The following STK32C variants were observed in gnomAD, a reference collection of about 807,000 sequenced individuals.
STK32C encodes the protein serine/threonine-protein kinase 32C.
A neutral mutation model predicts 56.5 loss-of-function variants in STK32C; 31 were observed. The observed-to-expected ratio is 0.55, with a 90% confidence interval of 0.41 to 0.74. The LOEUF (loss-of-function observed/expected upper bound fraction) is 0.74, where lower values mean the gene tolerates loss of function less well. Among genes scored for constraint, STK32C ranks in the 30% least tolerant of loss-of-function variants. STK32C has a pLI of 0.00. For synonymous variants in STK32C, 309 were observed against 289.4 expected (o/e 1.07, Z -0.69); for missense variants, 544 against 676.9 (o/e 0.80, Z 2.18).
chr10:132,239,621 G>A (rs573426727), intron 2 of STK32C, among the ~76,000 whole-genome samples: 167 of 152,322 alleles, frequency 1.1e-3, no homozygotes, highest in African/African-American at 3.7e-3. Context: ...GGAAAGTGGG[G>A]GCCATCTGGG....
At chr10:132,331,858 T>C (rs2066771023), upstream of STK32C, 6 of 1,404,970 alleles carry the variant, frequency 4.3e-6, no homozygotes, top group South Asian at 2.6e-5. Flanking sequence ...ATGCTACCGT[T>C]GGCCGCGTGC....
chr10:132,248,923 A>G (rs1401382136), intron 1 of STK32C: 2 of 456,176 alleles, frequency 4.4e-6, no homozygotes, highest in East Asian at 6.9e-5. Flanking sequence ...CAAGTTCCCA[A>G]GGTTAGTCCC....
chr10:132,310,645 G>A (rs1371631164), upstream of STK32C, among the ~76,000 whole-genome samples: 5 of 152,198 alleles, frequency 3.3e-5, no homozygotes, highest in South Asian at 2.1e-4. The surrounding 1 kb of genome is among the most constrained non-coding windows in gnomAD (Gnocchi z 4.6). Flanking sequence ...CATGCTGCCC[G>A]GGAACGTCAA....
chr10:132,292,660 G>A (rs1352391209), intron 1 of STK32C, among the ~76,000 whole-genome samples: 1 of 152,148 alleles, frequency 6.6e-6, no homozygotes, highest in Non-Finnish European at 1.5e-5. Flanking sequence ...GATTCCCGGT[G>A]CCAGCCCAGG....
chr10:132,221,892 C>T (rs368109286), intron 10 of STK32C, among the ~76,000 whole-genome samples: 42 of 122,122 alleles, frequency 3.4e-4, no homozygotes, highest in African/African-American at 1.0e-3. Flanking sequence ...CTAATATCAA[C>T]GCACCTGGGC....
intron 1 of STK32C, among the ~76,000 whole-genome samples, chr10:132,297,081 G>A (rs956367995): frequency 6.6e-6 from 1 of 152,214 alleles, no homozygotes; most frequent in Non-Finnish European, 1.5e-5. Context: ...TCCTTGTGGT[G>A]CCCGAGCAGG....
chr10:132,243,077 G>A (rs2063562279), intron 2 of STK32C, among the ~76,000 whole-genome samples: 1 of 152,214 alleles, frequency 6.6e-6, no homozygotes, highest in Non-Finnish European at 1.5e-5. Context: ...AGCCAAGCCT[G>A]GTCCCAGAGA....
chr10:132,231,127 C>G (rs1447205957), intron 2 of STK32C, among the ~76,000 whole-genome samples: 8 of 152,196 alleles, frequency 5.3e-5, no homozygotes, highest in Admixed American at 4.6e-4. Context: ...TGACCCAAGC[C>G]TGCTCTCCCC....
At chr10:132,223,740 G>C (rs544099772) in intron 8 of STK32C, among the ~76,000 whole-genome samples, 1 of 152,300 alleles carries the variant, frequency 6.6e-6, no homozygotes, top group African/African-American at 2.4e-5. Flanking sequence ...GGGCCGGGAG[G>C]CAGCCGGGCC....
At chr10:132,257,824 G>C (rs1320887241) in intron 1 of STK32C, among the ~76,000 whole-genome samples, 3 of 151,974 alleles carry the variant, frequency 2.0e-5, no homozygotes, top group African/African-American at 7.3e-5. Flanking sequence ...CTGGGCTGGG[G>C]GCTCCTCTAC....
chr10:132,219,586 C>G (rs890540534), intron 10 of STK32C, among the ~76,000 whole-genome samples: 2 of 152,200 alleles, frequency 1.3e-5, no homozygotes, highest in African/African-American at 4.8e-5. Flanking sequence ...AACCCCCAAC[C>G]CCGAGAACCT....
intron 2 of STK32C, among the ~76,000 whole-genome samples, chr10:132,244,179 G>T (rs1291232674): frequency 6.6e-6 from 1 of 152,070 alleles, no homozygotes; most frequent in African/African-American, 2.4e-5. Context: ...AACAAGCGCC[G>T]CACAGAACCC....
Position 132,307,714 on chromosome 10 carries a change from A to G in STK32C, c.120T>C (p.Ala40=), listed in dbSNP as rs1564796501. 1.5e-6 allele frequency: 2 copies of G among 1,344,698 alleles called. No individual in the cohort carries two copies. 83.3% of individuals were successfully genotyped at this position (1,344,698 alleles called of 1,614,324 possible). Residue 40 remains alanine (A), a synonymous_variant, in exon 1 of 12, where the codon GCT becomes GCC. Coordinates refer to ENST00000298630, the MANE Select transcript of STK32C (RefSeq NM_173575.4). This position sits in a 1 kb window ranked among gnomAD's most constrained non-coding sequence, Gnocchi z 4.4. ...CCGAGTCCCGGGCCCGGGGCTGGCC[A>G]GCAGCGGGCGGCGGCAGGGCCGAGG... ...DAPSALPPPA[A]GQPRARDSGD...
rs1414923464 is a variant in STK32C at position 132,228,089 on chromosome 10, C to T, written c.358G>A (p.Ala120Thr). The change falls in exon 3 of 12, where the codon GCC becomes ACC. Residue 120 changes from alanine to threonine, a missense_variant. Around this residue, in one of 3 missense-constraint regions of STK32C, gnomAD observed 182 missense variants for 217.7 expected, o/e 0.84. Transcript: ENST00000298630. ...TGCTGCTTGTTCATGTACTTCATGG[C>T]GTACATCTTCTCCGTGTCCCGCTTC... ...VQKRDTEKMY[A>T]MKYMNKQQCI... 2 of 1,614,028 alleles carry T rather than the reference C, an allele frequency of 1.2e-6. No homozygotes were observed. The highest frequency in any genetic ancestry group is 1.7e-5 in the Admixed American group (1 of 60,026).
rs115661373 is a variant in STK32C, at chr10:132,313,329, G to A, written c.301+18107C>T. Among the ~76,000 whole-genome samples the A allele has an allele frequency of 2.2e-3, 328 of 152,340 alleles. 3 individuals are homozygous for A. Among genetic ancestry groups the A allele is most frequent in the African/African-American group, 7.7e-3 (320 of 41,584 alleles). Reference sequence around the variant, plus strand: ...CTTGAGATGAGCAACATTAAACGCCGTGGCTGTTTACCATCCACACAGAGG... The same window carrying A: ...CTTGAGATGAGCAACATTAAACGCCATGGCTGTTTACCATCCACACAGAGG... On this transcript the variant is annotated intron_variant, in intron 1 of 3. Transcript: ENST00000368620.
chr10:132,296,677 G>A (rs1366865349), intron 1 of STK32C, among the ~76,000 whole-genome samples: 2 of 152,188 alleles, frequency 1.3e-5, no homozygotes, highest in African/African-American at 2.4e-5. Context: ...AGCTATAAAG[G>A]AAGAAAGAGA....
intron 2 of STK32C, among the ~76,000 whole-genome samples, chr10:132,236,336 A>C (rs761267278): frequency 6.6e-6 from 1 of 152,210 alleles, no homozygotes; most frequent in African/African-American, 2.4e-5. Flanking sequence ...CCTGGATGCC[A>C]CAACCTGTCA....
In STK32C at chr10:132,207,833, C is replaced by T; in HGVS notation, c.*177G>A. On this transcript the variant is annotated 3_prime_UTR_variant, in exon 12 of 12. Transcript: ENST00000298630. ...CCTCCACAGGTGTCCCCTGCACCCA[C>T]AGCCTCTTGTCCCCTGCACCACCAC... 1 of 759,230 alleles carries T rather than the reference C, an allele frequency of 1.3e-6. No individual in the cohort carries two copies. The highest frequency in any genetic ancestry group is 1.8e-6 in the Non-Finnish European group (1 of 556,998). The allele number at this position is 759,230 out of a possible 1,614,324, so 47.0% of individuals were successfully genotyped here. A position where few individuals can be genotyped will look rare whatever the true frequency, so the allele number is the denominator to read the frequency against.
chr10:132,289,657 C>T (rs1332343187), intron 1 of STK32C, among the ~76,000 whole-genome samples: 2 of 152,196 alleles, frequency 1.3e-5, no homozygotes, highest in Non-Finnish European at 2.9e-5. Context: ...GGTGAGGGCC[C>T]ACTTCTCGGC....
Sources: gnomAD v4.1 joint callset for allele counts (sites outside exome capture counted in the v4.1 genomes callset) on GRCh38, gnomAD v4.1.1 for gene constraint, gnomAD v4.1.1 regional missense constraint, Gnocchi (gnomAD v3.1) non-coding constraint, MANE v1.5 for transcripts, NCBI Gene and HGNC (gene_info 2026-07-23, HGNC 2026-07-21) for gene names.